EBF1: variants seen among roughly 807,000 people sequenced by gnomAD.
EBF1 encodes the protein EBF transcription factor 1.
EBF1 carries 10 observed loss-of-function variants against 68.4 expected under a neutral mutation model. The observed-to-expected ratio is 0.15, with a 90% CI of 0.09 to 0.25. The LOEUF is 0.25. Among genes scored for constraint, EBF1 ranks in the 10% least tolerant of loss-of-function variants. The pLI is 1.00. For missense variants in EBF1, 509 were observed against 794.4 expected (o/e 0.64, Z 4.32); for synonymous variants, 298 against 299.8 (o/e 0.99, Z 0.06).
intron 6 of EBF1, among the ~76,000 whole-genome samples, chr5:158,936,175 G>A (rs1238515510): frequency 6.6e-6 from 1 of 152,124 alleles, no homozygotes; most frequent in Admixed American, 6.5e-5. Context: ...CAAAGGGGAG[G>A]TGACATGGGA....
intron 10 of EBF1, among the ~76,000 whole-genome samples, chr5:158,746,177 G>A (rs1269641598): frequency 6.6e-6 from 1 of 152,146 alleles, no homozygotes; most frequent in Non-Finnish European, 1.5e-5. Context: ...TTTATGACAG[G>A]ACGCTGTTAG....
At chr5:158,835,133 A>T (rs1000463739) in intron 7 of EBF1, among the ~76,000 whole-genome samples, 1 of 152,230 alleles carries the variant, frequency 6.6e-6, no homozygotes, top group African/African-American at 2.4e-5. Flanking sequence ...GCAATCTTCA[A>T]CCAATATCAT....
chr5:158,752,144 C>T (rs10476265), intron 10 of EBF1, among the ~76,000 whole-genome samples: 14,230 of 151,992 alleles, frequency 0.094, 743 homozygotes, highest in African/African-American at 0.11. Context: ...AATGACTTCA[C>T]CACAGCTGCA....
intron 10 of EBF1, among the ~76,000 whole-genome samples, chr5:158,732,655 G>A (rs1005218663): frequency 1.3e-5 from 2 of 151,926 alleles, no homozygotes; most frequent in Non-Finnish European, 2.9e-5. Flanking sequence ...TTTTACACAG[G>A]TGAGTAAAAA....
intron 10 of EBF1, among the ~76,000 whole-genome samples, chr5:158,760,261 A>G (rs1033135683): frequency 1.3e-4 from 20 of 152,194 alleles, no homozygotes; most frequent in African/African-American, 4.1e-4. Flanking sequence ...ATGTAAAACA[A>G]TGCCCCATTA....
Position 158,792,402 on chromosome 5 carries a change from A to G in EBF1, c.909+3943T>C, listed in dbSNP as rs577175551. On this transcript the variant is annotated intron_variant, in intron 9 of 15. Coordinates refer to ENST00000313708, the MANE Select transcript of EBF1 (RefSeq NM_024007.5). ...CCCTCAGGGGGTGATCCATGAGCTA[A>G]ACTGAACTACTCATTGGCAGAAGAT... 1.1e-4 allele frequency among the ~76,000 whole-genome samples: 16 copies of G among 152,262 alleles called. No homozygotes were observed. The South Asian group carries it at 3.3e-3, about 32-fold the overall frequency.
chr5:158,926,735 AAAAAAAGAAAAG>A (rs1450897911), intron 6 of EBF1, among the ~76,000 whole-genome samples: 8 of 151,918 alleles, frequency 5.3e-5, no homozygotes, highest in Non-Finnish European at 1.2e-4. Flanking sequence ...TTCAAAAAAA[AAAAAAAGAAAAG>A]AAAAAAGAAA....
chr5:158,952,681 C>G (rs1816264157), intron 6 of EBF1, among the ~76,000 whole-genome samples: 1 of 152,150 alleles, frequency 6.6e-6, no homozygotes, highest in Non-Finnish European at 1.5e-5. Flanking sequence ...TTGAAGGGAA[C>G]AGCAATATTA....
chr5:159,061,201 G>C (rs1317769156), intron 6 of EBF1, among the ~76,000 whole-genome samples: 1 of 152,122 alleles, frequency 6.6e-6, no homozygotes, highest in Non-Finnish European at 1.5e-5. Flanking sequence ...AAACACTGCT[G>C]ATTTGGGGTT....
chr5:158,810,028 G>A (rs893728691), intron 8 of EBF1, among the ~76,000 whole-genome samples: 2 of 152,146 alleles, frequency 1.3e-5, no homozygotes, highest in Admixed American at 1.3e-4. Flanking sequence ...AAATCAAGGA[G>A]AGTTTCTAGG....
chr5:158,722,063 T>A (rs968633121), intron 11 of EBF1, among the ~76,000 whole-genome samples: 14 of 152,166 alleles, frequency 9.2e-5, no homozygotes, highest in Admixed American at 7.9e-4. Flanking sequence ...CTGAACTTGG[T>A]AACCTCTGGC....
At chr5:158,881,914 C>T (rs1798981990) in intron 6 of EBF1, among the ~76,000 whole-genome samples, 1 of 152,126 alleles carries the variant, frequency 6.6e-6, no homozygotes. Context: ...ATGAATCTGT[C>T]CCCCACCTCC....
rs576881926 is a variant in EBF1 at position 158,762,881 on chromosome 5, C to A, written c.1036+14532G>T. On this transcript the variant is annotated intron_variant, in intron 10 of 15. Transcript: ENST00000313708. The stretch of plus-strand genomic sequence containing the variant: ...ATGCCATGGAAAAATTGAATGATAC[C>A]CTCCTCACCTCTAACCGCAGTATAA... Among the ~76,000 whole-genome samples the A allele has an allele frequency of 2.0e-5, 3 of 151,882 alleles. No individual in the cohort carries two copies. In the East Asian group the frequency reaches 5.8e-4, roughly 29 times the overall value.
At position 158,773,167 on chromosome 5, in the gene EBF1, G is replaced by A. The variant is rs572509193; in HGVS notation, c.1036+4246C>T. Among the ~76,000 whole-genome samples the A allele has an allele frequency of 2.7e-5, 4 of 150,582 alleles. No homozygotes were observed. The South Asian group carries it at 8.4e-4, about 32-fold the overall frequency. On this transcript the variant is annotated intron_variant, in intron 10 of 15. Coordinates refer to ENST00000313708, the MANE Select transcript of EBF1 (RefSeq NM_024007.5). ...AGATGGGAGAGCAAGAAGAAAATAA[G>A]AGGGATAGGGAGAAAAAACGGAAAA...
chr5:159,016,030 A>T (rs1765556748), intron 6 of EBF1, among the ~76,000 whole-genome samples: 1 of 152,224 alleles, frequency 6.6e-6, no homozygotes, highest in African/African-American at 2.4e-5. Flanking sequence ...TGTCTTTAAG[A>T]AAATTGTTAA....
At chr5:158,897,576 G>GT (rs1802420725) in intron 6 of EBF1, among the ~76,000 whole-genome samples, 1 of 150,750 alleles carries the variant, frequency 6.6e-6, no homozygotes, top group Admixed American at 6.6e-5. Flanking sequence ...GAACTTAAAC[G>GT]TTAAAAAAAA....
At chr5:158,923,214 C>T (rs1413520895) in intron 6 of EBF1, among the ~76,000 whole-genome samples, 1 of 152,194 alleles carries the variant, frequency 6.6e-6, no homozygotes, top group African/African-American at 2.4e-5. Flanking sequence ...ATAAGTAACA[C>T]CCTTCCAATG....
intron 6 of EBF1, among the ~76,000 whole-genome samples, chr5:158,857,839 T>C (rs1794324606): frequency 6.6e-6 from 1 of 152,194 alleles, no homozygotes; most frequent in African/African-American, 2.4e-5. Context: ...AGTACTTTAT[T>C]ATCACATTAG....
intron 1 of EBF1, among the ~76,000 whole-genome samples, chr5:159,097,908 C>T (rs1017124338): frequency 4.6e-5 from 7 of 152,192 alleles, no homozygotes; most frequent in African/African-American, 1.4e-4. Context: ...ACAGCCGGAC[C>T]TGCCCAACAC....
Sources: allele counts gnomAD v4.1 joint callset (sites outside exome capture counted in the v4.1 genomes callset), GRCh38; gene constraint gnomAD v4.1.1; transcripts MANE v1.5; gene names NCBI Gene and HGNC (gene_info 2026-07-23, HGNC 2026-07-21).